Variants in PHF2 observed in about 807,000 individuals in gnomAD.
PHF2 encodes the protein PHD finger protein 2.
A neutral mutation model predicts 120.5 loss-of-function variants in PHF2; 27 were observed. The observed-to-expected ratio is 0.22, with a 90% CI of 0.17 to 0.31. PHF2 has a LOEUF of 0.31. PHF2 is among the 10% of genes least tolerant of loss of function. PHF2 has a pLI of 1.00. For synonymous variants in PHF2, 568 were observed against 592.5 expected, an observed-to-expected ratio of 0.96 and a Z score of 0.60; for missense variants, 1,024 against 1,434.8, an observed-to-expected ratio of 0.71 and a Z score of 4.63.
chr9:93,646,549 C>G (rs1826263878), intron 4 of PHF2, among the ~76,000 whole-genome samples: 2 of 152,228 alleles, frequency 1.3e-5, no homozygotes, highest in South Asian at 4.1e-4. Context: ...ACACTGGCCT[C>G]TCAGTGCTGG....
At chr9:93,627,530 C>T (rs1825935006) in intron 1 of PHF2, among the ~76,000 whole-genome samples, 1 of 86,488 alleles carries the variant, frequency 1.2e-5, no homozygotes, top group African/African-American at 5.2e-5. Context: ...CTGGCTAGAA[C>T]TTCCAGTACT....
chr9:93,618,844 G>GTATCTCTGAATGTGTGT (rs1564383259), intron 1 of PHF2, among the ~76,000 whole-genome samples: 4 of 1,700 alleles, frequency 2.4e-3, no homozygotes, highest in Admixed American at 7.1e-3. Flanking sequence ...TGGTGTGTGT[G>GTATCTCTGAATGTGTGT]TGTGCCTGTG....
intron 1 of PHF2, among the ~76,000 whole-genome samples, chr9:93,603,172 C>T (rs980689717): frequency 1.3e-5 from 2 of 152,098 alleles, no homozygotes; most frequent in African/African-American, 4.8e-5. Flanking sequence ...CTGGGCTCTG[C>T]CTCAGTAGGC....
intron 1 of PHF2, among the ~76,000 whole-genome samples, chr9:93,595,245 C>G (rs1006488205): frequency 6.6e-6 from 1 of 152,062 alleles, no homozygotes; most frequent in Non-Finnish European, 1.5e-5. Flanking sequence ...CTACTGATGC[C>G]AAATTATTAC....
chr9:93,650,302 T>C (rs1171780273), intron 5 of PHF2, among the ~76,000 whole-genome samples: 3 of 151,682 alleles, frequency 2.0e-5, no homozygotes, highest in African/African-American at 7.3e-5. Context: ...AACACAACAA[T>C]AGACTCATGA....
chr9:93,614,610 C>T (rs796932690), intron 1 of PHF2, among the ~76,000 whole-genome samples: 5 of 152,202 alleles, frequency 3.3e-5, no homozygotes, highest in African/African-American at 1.2e-4. Flanking sequence ...GCTCGCAGTC[C>T]TGGAGGAATG....
chr9:93,673,986 C>T, intron 18 of PHF2, 124 bp downstream of exon 18: 1 of 1,107,382 alleles, frequency 9.0e-7, no homozygotes, highest in Non-Finnish European at 1.2e-6. Context: ...CAGCAAAACC[C>T]TCGGCCTCTG....
intron 1 of PHF2, among the ~76,000 whole-genome samples, chr9:93,618,772 ATGTGTT>A (rs1007855802): frequency 7.7e-6 from 1 of 130,666 alleles, no homozygotes; most frequent in African/African-American, 2.9e-5. Context: ...GTGTGTCTGC[ATGTGTT>A]TGTGTTTGTA....
chr9:93,627,421 A>T (rs1825930563), intron 1 of PHF2, among the ~76,000 whole-genome samples: 1 of 150,826 alleles, frequency 6.6e-6, no homozygotes, highest in South Asian at 2.1e-4. Flanking sequence ...TTCTATATGT[A>T]GGATTATGTC....
intron 3 of PHF2, among the ~76,000 whole-genome samples, chr9:93,637,437 A>G (rs148299171): frequency 3.9e-5 from 6 of 152,306 alleles, no homozygotes; most frequent in Non-Finnish European, 5.9e-5. Flanking sequence ...AATAAATCCC[A>G]TAACCTTTAT....
chr9:93,593,107 A>AAAGG (rs1825264375), intron 1 of PHF2, among the ~76,000 whole-genome samples: 7 of 147,460 alleles, frequency 4.7e-5, no homozygotes, highest in South Asian at 2.1e-4. Context: ...AAAAAAAAAA[A>AAAGG]AAAAGAAAAA....
chr9:93,612,100 A>G (rs1825645852), intron 1 of PHF2, among the ~76,000 whole-genome samples: 2 of 152,234 alleles, frequency 1.3e-5, no homozygotes, highest in Admixed American at 6.5e-5. Flanking sequence ...TCTTTGCTGA[A>G]CAATATACAT....
chr9:93,587,252 T>C (rs534428039), intron 1 of PHF2, among the ~76,000 whole-genome samples: 46 of 115,226 alleles, frequency 4.0e-4, no homozygotes, highest in East Asian at 2.6e-3. Context: ...TGAGGGATGA[T>C]GGAAGAGCCC....
chr9:93,675,122 C>A, intron 19 of PHF2, 100 bp downstream of exon 19: 1 of 937,442 alleles, frequency 1.1e-6, no homozygotes, highest in East Asian at 2.5e-5. Context: ...GGGCTCAGCT[C>A]TGCACCTGTC....
Position 93,675,722 on chromosome 9 carries a change from G to T in PHF2, c.2765G>T (p.Arg922Leu). Residue 922 changes from arginine (R) to leucine (L), a missense_variant, in exon 20 of 22, where the codon CGT becomes CTT. Physicochemically the swap from Arg to Leu is moderately radical, Grantham distance 102. Around this residue, in one of 2 missense-constraint regions of PHF2, gnomAD observed 677 missense variants for 857.4 expected, o/e 0.79. Transcript: ENST00000359246. The stretch of plus-strand genomic sequence containing the variant: ...GTGCCAAGACAGGACAGGCCTGTGC[G>T]TGAGGGTACACGGGTGGCTTCCATC... ...PSVPRQDRPV[R>L]EGTRVASIET... is the part of the protein sequence containing the mutation. The T allele has an allele frequency of 1.2e-6, 2 of 1,613,342 alleles. No individual in the cohort carries two copies. The highest frequency in any genetic ancestry group is 8.5e-7 in the Non-Finnish European group (1 of 1,179,930).
At chr9:93,647,407 T>C (rs1362384881) in intron 4 of PHF2, among the ~76,000 whole-genome samples, 1 of 152,148 alleles carries the variant, frequency 6.6e-6, no homozygotes, top group East Asian at 1.9e-4. Context: ...AGGGAGGAGA[T>C]GGTTCGTCGT....
chr9:93,645,579 T>G, intron 3 of PHF2, 50 bp from the exon 4 acceptor site: 1 of 1,506,358 alleles, frequency 6.6e-7, no homozygotes. Context: ...CCTGTCCCGG[T>G]GCAGGAGGCC....
intron 1 of PHF2, among the ~76,000 whole-genome samples, chr9:93,600,138 G>A (rs2131615155): frequency 6.6e-6 from 1 of 152,090 alleles, no homozygotes; most frequent in Non-Finnish European, 1.5e-5. Flanking sequence ...TGTGTGTAAT[G>A]TGTGTGAATG....
intron 1 of PHF2, among the ~76,000 whole-genome samples, chr9:93,629,128 T>C (rs577411646): frequency 2.0e-5 from 3 of 152,232 alleles, no homozygotes; most frequent in South Asian, 2.1e-4. Flanking sequence ...CTCGAACTCC[T>C]GACCTCAAGT....
Sources: allele counts gnomAD v4.1 joint callset (sites outside exome capture counted in the v4.1 genomes callset), GRCh38; gene constraint gnomAD v4.1.1; regional missense constraint gnomAD v4.1.1; transcripts MANE v1.5; gene names NCBI Gene and HGNC (gene_info 2026-07-23, HGNC 2026-07-21).